SMAP1: variants seen among roughly 807,000 people sequenced by gnomAD.
The protein encoded by SMAP1 is stromal membrane-associated protein 1.
SMAP1 carries 24 observed loss-of-function variants against 58.5 expected under a neutral mutation model. The ratio of observed to expected loss-of-function variants is 0.41; its 90% CI spans 0.30 to 0.58. The LOEUF (loss-of-function observed/expected upper bound fraction) is 0.58. SMAP1 is among the 20% of genes least tolerant of loss of function. SMAP1 has a pLI of 0.29. For synonymous variants in SMAP1, 216 were observed against 196.6 expected (o/e 1.10, Z -0.82); for missense variants, 563 against 566.3 (o/e 0.99, Z 0.06).
chr6:70,837,253 T>TG (rs1208644037), intron 7 of SMAP1, among the ~76,000 whole-genome samples: 2 of 152,182 alleles, frequency 1.3e-5, no homozygotes, highest in Non-Finnish European at 1.5e-5. Flanking sequence ...ATGAGTTCTT[T>TG]GGGGAAAAGA....
In SMAP1 at chr6:70,675,582, C is replaced by T. The variant is rs372871418; in HGVS notation, c.118+7441C>T. The stretch of plus-strand genomic sequence containing the variant: ...AGGAGAATCACTTGAAACCGGAATG[C>T]GGAGCTTACAGTGAGCCAAGATCGT... On this transcript the variant is annotated intron_variant, in intron 1 of 10. Transcript: ENST00000370455. 1.4e-4 allele frequency among the ~76,000 whole-genome samples: 21 copies of T among 150,120 alleles called. No homozygotes were observed. In the East Asian group the frequency reaches 3.1e-3, roughly 22 times the overall value.
chr6:70,837,195 A>C (rs1293456784), intron 7 of SMAP1, among the ~76,000 whole-genome samples, 167 bp downstream of exon 7: 2 of 152,234 alleles, frequency 1.3e-5, no homozygotes, highest in African/African-American at 4.8e-5. Context: ...GAAATCTTTA[A>C]TAAGGGAGCC....
intron 1 of SMAP1, among the ~76,000 whole-genome samples, chr6:70,729,742 C>T (rs1002297938): frequency 3.5e-4 from 53 of 152,032 alleles, no homozygotes; most frequent in African/African-American, 1.2e-3. Flanking sequence ...CATATTTGTT[C>T]GTTTCCATTC....
intron 6 of SMAP1, among the ~76,000 whole-genome samples, chr6:70,819,679 AT>A (rs1410870939): frequency 1.3e-5 from 2 of 152,240 alleles, no homozygotes; most frequent in East Asian, 3.8e-4. Context: ...TGAGAGTCAA[AT>A]TGAATGCTAA....
At chr6:70,787,200 A>G (rs903112229) in intron 4 of SMAP1, among the ~76,000 whole-genome samples, 2 of 152,232 alleles carry the variant, frequency 1.3e-5, no homozygotes, top group South Asian at 2.1e-4. Context: ...CAATGGGGAA[A>G]CGATTCCCTT....
At chr6:70,847,659 C>T (rs949923581) in intron 7 of SMAP1, among the ~76,000 whole-genome samples, 2 of 152,106 alleles carry the variant, frequency 1.3e-5, no homozygotes, top group Admixed American at 6.5e-5. Context: ...GCTGAATTTC[C>T]TCCATTTGCC....
intron 4 of SMAP1, among the ~76,000 whole-genome samples, chr6:70,790,040 T>C (rs773156179): frequency 6.6e-6 from 1 of 152,238 alleles, no homozygotes; most frequent in Non-Finnish European, 1.5e-5. Context: ...TCAATGCCCG[T>C]ATTATCCTTT....
Position 70,682,170 on chromosome 6 carries a change from A to AT in SMAP1, c.118+14065dup, listed in dbSNP as rs66981900. Among the ~76,000 whole-genome samples, 836 of 95,858 alleles carry AT rather than the reference A, an allele frequency of 8.7e-3. 100 individuals carry two copies. Among genetic ancestry groups the AT allele is most frequent in the Non-Finnish European group, 0.011 (544 of 50,640 alleles). 62.9% of individuals were successfully genotyped at this position (95,858 alleles called of 152,430 possible). A position where few individuals can be genotyped will look rare whatever the true frequency, so the allele number is the denominator to read the frequency against. ...GGATTTAAGGTTATTCTCTGCACAG[A>AT]TTTTTTTTTTTTTTTTTTTTTTTTT... On this transcript the variant is annotated intron_variant, in intron 1 of 10. Transcript: ENST00000370455.
At chr6:70,707,968 T>A (rs1767904174) in intron 1 of SMAP1, among the ~76,000 whole-genome samples, 1 of 152,120 alleles carries the variant, frequency 6.6e-6, no homozygotes, top group Non-Finnish European at 1.5e-5. Context: ...ATGGTAGGAG[T>A]ACCTAAAACC....
chr6:70,783,645 C>T (rs1478731044), intron 4 of SMAP1, among the ~76,000 whole-genome samples: 2 of 152,062 alleles, frequency 1.3e-5, no homozygotes, highest in African/African-American at 4.8e-5. Flanking sequence ...TCAAGAACTA[C>T]ATGAAGAATG....
At chr6:70,700,902 G>T (rs936752585) in intron 1 of SMAP1, among the ~76,000 whole-genome samples, 3 of 152,164 alleles carry the variant, frequency 2.0e-5, no homozygotes, top group Non-Finnish European at 4.4e-5. Context: ...TTCCCTTCTG[G>T]CCCAGGGTGT....
intron 1 of SMAP1, among the ~76,000 whole-genome samples, chr6:70,681,919 G>A (rs1223683748): frequency 6.6e-6 from 1 of 152,058 alleles, no homozygotes; most frequent in East Asian, 1.9e-4. Flanking sequence ...ATGACTAAGA[G>A]CAAGCAAGTT....
chr6:70,756,549 G>C (rs1483775416), intron 3 of SMAP1, among the ~76,000 whole-genome samples: 1 of 152,110 alleles, frequency 6.6e-6, no homozygotes, highest in African/African-American at 2.4e-5. Flanking sequence ...GGAGGTATGA[G>C]AGAACATGAC....
intron 10 of SMAP1, chr6:70,858,809 AT>A (rs1283260121): frequency 6.5e-6 from 1 of 152,912 alleles, no homozygotes; most frequent in Non-Finnish European, 1.5e-5. Flanking sequence ...TACATACCCT[AT>A]AATGACTTTT....
chr6:70,744,286 T>A (rs2149876535), intron 2 of SMAP1, among the ~76,000 whole-genome samples: 1 of 152,164 alleles, frequency 6.6e-6, no homozygotes, highest in African/African-American at 2.4e-5. Context: ...CAACTCGTAA[T>A]TTACATTAGG....
intron 6 of SMAP1, among the ~76,000 whole-genome samples, chr6:70,812,823 G>A (rs1769448022): frequency 6.6e-6 from 1 of 152,032 alleles, no homozygotes; most frequent in Admixed American, 6.6e-5. Flanking sequence ...TCTGAACATG[G>A]CATTCTTATT....
At chr6:70,707,810 T>C (rs1767897669) in intron 1 of SMAP1, among the ~76,000 whole-genome samples, 1 of 152,094 alleles carries the variant, frequency 6.6e-6, no homozygotes, top group Non-Finnish European at 1.5e-5. Flanking sequence ...TCACTATGTC[T>C]ACATGTTGGC....
chr6:70,669,995 A>T (rs995840501), intron 1 of SMAP1, among the ~76,000 whole-genome samples: 9 of 152,066 alleles, frequency 5.9e-5, no homozygotes, highest in African/African-American at 2.2e-4. Context: ...GGGAGAAGAG[A>T]ATCATGTACT....
At chr6:70,841,248 C>T (rs931426374) in intron 7 of SMAP1, among the ~76,000 whole-genome samples, 1 of 152,184 alleles carries the variant, frequency 6.6e-6, no homozygotes, top group African/African-American at 2.4e-5. Context: ...TTCATTTCAA[C>T]CTCCCATTAA....
Sources: gnomAD v4.1 joint callset for allele counts (sites outside exome capture counted in the v4.1 genomes callset) on GRCh38, gnomAD v4.1.1 for gene constraint, MANE v1.5 for transcripts, NCBI Gene and HGNC (gene_info 2026-07-23, HGNC 2026-07-21) for gene names.